FBLN7: variants seen among roughly 807,000 people sequenced by gnomAD.
FBLN7 encodes the protein fibulin-7.
A neutral mutation model predicts 44.0 loss-of-function variants in FBLN7; 31 were observed. The observed-to-expected ratio is 0.70, with a 90% CI of 0.53 to 0.95. FBLN7 has a LOEUF of 0.95. Ranked by LOEUF, FBLN7 falls within the 40% of genes least tolerant of loss-of-function variation. FBLN7 has a pLI of 0.00. For missense variants in FBLN7, 573 were observed against 618.5 expected (o/e 0.93, Z 0.78); for synonymous variants, 262 against 253.4 (o/e 1.03, Z -0.32).
At chr2:112,233,301 T>G in the FBLN7 span, 13 of 1,601,484 alleles carry the variant, frequency 8.1e-6, no homozygotes, top group Non-Finnish European at 1.1e-5. Context: ...ACAATATCCT[T>G]GTACATAAAA....
rs538340346 is a variant in FBLN7 at position 112,171,937 on chromosome 2, C to T, written c.407-3777C>T. Among the ~76,000 whole-genome samples the T allele has an allele frequency of 4.2e-3, 644 of 152,254 alleles. 4 individuals carry two copies. Among genetic ancestry groups the T allele is most frequent in the African/African-American group, 0.014 (599 of 41,546 alleles). On this transcript the variant is annotated intron_variant, in intron 3 of 7. Transcript: ENST00000331203. ...AATTTTTTTGTATTTTTAGTAAAGA[C>T]AGGGTTTCACCGTGTTAGCCAGGAT...
At chr2:112,219,242 T>C in the FBLN7 span, among the ~76,000 whole-genome samples, 2 of 152,042 alleles carry the variant, frequency 1.3e-5, no homozygotes, top group Non-Finnish European at 2.9e-5. Context: ...GATAGACATA[T>C]AGAGCACTGG....
chr2:112,185,346 A>G lies in FBLN7; in HGVS notation c.947+7A>G. On this transcript the variant is annotated splice_region_variant and intron_variant, in intron 7 of 7. Transcript: ENST00000331203. ...ACGTGAAGACGTCTCCATTGTGAGT[A>G]TCTCCAGGGGAGGCACACCCTCACC... 1 of 1,612,204 alleles carries G rather than the reference A, an allele frequency of 6.2e-7. No individual in the cohort carries two copies. Among genetic ancestry groups the G allele is most frequent in the South Asian group, 1.1e-5 (1 of 91,000 alleles).
At chr2:112,207,686 C>T in the FBLN7 span, among the ~76,000 whole-genome samples, 1 of 152,126 alleles carries the variant, frequency 6.6e-6, no homozygotes, top group Admixed American at 6.5e-5. Context: ...GCTTCATATT[C>T]TGATTCACTG....
At chr2:112,171,029 G>A (rs796598921) in intron 3 of FBLN7, among the ~76,000 whole-genome samples, 6 of 152,306 alleles carry the variant, frequency 3.9e-5, no homozygotes, top group African/African-American at 1.4e-4. Context: ...AGCGATGGAT[G>A]TGGTTTGTTT....
chr2:112,222,679 A>T, the FBLN7 span, among the ~76,000 whole-genome samples: 4 of 152,222 alleles, frequency 2.6e-5, no homozygotes, highest in Admixed American at 2.6e-4. Context: ...AAAAAAGGAC[A>T]TACTGTATGA....
chr2:112,214,605 G>C, the FBLN7 span: 3 of 152,220 alleles, frequency 2.0e-5, no homozygotes, highest in Non-Finnish European at 2.9e-5. Context: ...CTAGGTGATA[G>C]AGTACTTTGG....
chr2:112,180,463 A>G (rs1412433155), intron 4 of FBLN7, among the ~76,000 whole-genome samples: 1 of 152,196 alleles, frequency 6.6e-6, no homozygotes, highest in Non-Finnish European at 1.5e-5. Context: ...AAGCAGAACT[A>G]CCACTTGACC....
rs1165577043 is a variant in FBLN7 at position 112,159,808 on chromosome 2, G to A, written c.208G>A (p.Gly70Ser). 6.4e-7 allele frequency: 1 copy of A among 1,574,344 alleles called. No individual in the cohort carries two copies. The highest frequency in any genetic ancestry group is 1.4e-5 in the African/African-American group (1 of 73,500). Reference protein sequence around the residue: ...SRLAALQNSVGRVGPDALPVS... With the variant: ...SRLAALQNSVSRVGPDALPVS... Reference sequence around the variant, plus strand: ...GCTGGCCGCGCTGCAGAACTCTGTGGGCAGGGTGGGCCCAGATGCCCTTCC... The same window carrying A: ...GCTGGCCGCGCTGCAGAACTCTGTGAGCAGGGTGGGCCCAGATGCCCTTCC... Residue 70 changes from glycine (G) to serine (S), a missense_variant, in exon 2 of 8, where the codon GGC (glycine) becomes AGC (serine). Coordinates refer to ENST00000331203, the MANE Select transcript of FBLN7 (RefSeq NM_153214.3).
intron 7 of FBLN7, among the ~76,000 whole-genome samples, chr2:112,186,030 G>T (rs1487457367): frequency 6.6e-6 from 1 of 152,106 alleles, no homozygotes; most frequent in Non-Finnish European, 1.5e-5. Context: ...TATTTGAATT[G>T]CTGTTGAGTT....
chr2:112,201,034 C>T, the FBLN7 span, among the ~76,000 whole-genome samples: 1 of 152,178 alleles, frequency 6.6e-6, no homozygotes, highest in African/African-American at 2.4e-5. Context: ...TGCCCTTCCA[C>T]AGCTTCCAGA....
chr2:112,231,804 G>T, the FBLN7 span: 1 of 1,388,486 alleles, frequency 7.2e-7, no homozygotes, highest in African/African-American at 1.5e-5. Flanking sequence ...CCTTAAAAAA[G>T]AAAAAACAAA....
At position 112,165,027 on chromosome 2, in the gene FBLN7, G is replaced by T. The variant is rs375781818; in HGVS notation, c.262G>T (p.Ala88Ser). 1.2e-6 allele frequency: 2 copies of T among 1,614,040 alleles called. No homozygotes were observed. Among genetic ancestry groups the T allele is most frequent in the African/African-American group, 1.3e-5 (1 of 75,014 alleles). Residue 88 changes from alanine (A) to serine (S), a missense_variant, in exon 3 of 8, where the codon GCA becomes TCA. Physicochemically the swap from Ala to Ser is moderately conservative, Grantham distance 99 (BLOSUM62 1). Coordinates refer to ENST00000331203, the MANE Select transcript of FBLN7 (RefSeq NM_153214.3). ...PVSCPALNTPADGRKFGSKYL... is the reference protein window; with the variant it reads ...PVSCPALNTPSDGRKFGSKYL... ...TTCCTGCCCGGCTCTGAACACCCCC[G>T]CAGACGGCAGAAAGTTTGGAAGCAA...
chr2:112,165,314 C>G lies in FBLN7; in HGVS notation c.406+143C>G, dbSNP rs1043551141. The stretch of plus-strand genomic sequence containing the variant: ...AACCACAGAACAGCAGCCAATGTGC[C>G]TGATCACTCACCTCCATGCCAGGTT... On this transcript the variant is annotated intron_variant, in intron 3 of 7. Transcript: ENST00000331203. 2.9e-6 allele frequency: 3 copies of G among 1,042,130 alleles called. No homozygotes were observed. The African/African-American group carries it at 4.8e-5, about 17-fold the overall frequency. 64.6% of individuals were successfully genotyped at this position (1,042,130 alleles called of 1,614,324 possible).
the FBLN7 span, chr2:112,238,250 G>A: frequency 2.0e-5 from 30 of 1,484,798 alleles, no homozygotes; most frequent in African/African-American, 8.4e-5. Context: ...TCCTCTGTCC[G>A]TATATGGACA....
rs576971924 is a variant in FBLN7, at chr2:112,169,530, G to T, written c.406+4359G>T. Among the ~76,000 whole-genome samples, 5 of 152,298 alleles carry T rather than the reference G, an allele frequency of 3.3e-5. No individual in the cohort carries two copies. The South Asian group carries it at 1.0e-3, about 32-fold the overall frequency. On this transcript the variant is annotated intron_variant, in intron 3 of 7. Transcript: ENST00000331203. ...AACGAATTTGAGAGATATAAATACCGTTGTCACTTATCGTCATGCTGGTGG... is the reference window on the plus strand; with the variant it reads ...AACGAATTTGAGAGATATAAATACCTTTGTCACTTATCGTCATGCTGGTGG...
At chr2:112,218,860 A>G in the FBLN7 span, among the ~76,000 whole-genome samples, 1 of 152,194 alleles carries the variant, frequency 6.6e-6, no homozygotes, top group East Asian at 1.9e-4. Context: ...CTCCTCTGTT[A>G]TTCAAGGGCC....
At chr2:112,225,941 G>A in the FBLN7 span, among the ~76,000 whole-genome samples, 1 of 152,106 alleles carries the variant, frequency 6.6e-6, no homozygotes, top group South Asian at 2.1e-4. Context: ...AATTAGCCGG[G>A]TGTGGTGGCG....
chr2:112,226,326 C>T, the FBLN7 span, among the ~76,000 whole-genome samples: 4 of 151,814 alleles, frequency 2.6e-5, no homozygotes, highest in East Asian at 1.9e-4. Context: ...CGGTAGCTCA[C>T]GCCTGTAATC....
Sources: gnomAD v4.1 joint callset for allele counts (sites outside exome capture counted in the v4.1 genomes callset) on GRCh38, gnomAD v4.1.1 for gene constraint, MANE v1.5 for transcripts, NCBI Gene and HGNC (gene_info 2026-07-23, HGNC 2026-07-21) for gene names.